SULT1A1: variants seen among roughly 807,000 people sequenced by gnomAD.
SULT1A1 encodes sulfotransferase 1A1.
In SULT1A1, 35 loss-of-function variants were observed where a neutral mutation model predicts 36.8. The observed-to-expected ratio is 0.95, with a 90% CI of 0.73 to 1.26. SULT1A1 has a LOEUF of 1.26. Ranked by LOEUF, SULT1A1 falls within the 50% of genes most tolerant of loss-of-function variation. SULT1A1 has a pLI of 0.00. For synonymous variants in SULT1A1, 119 were observed against 146.0 expected (o/e 0.82, Z 1.33); for missense variants, 309 against 383.0 (o/e 0.81, Z 1.61).
At position 28,608,611 on chromosome 16, in the gene SULT1A1, G is replaced by A. The variant is rs745339337; in HGVS notation, c.149-8C>T. ...GGCTTACCCAGGTAGTGCCTGGAGAGGGAGGGAGATGGGAGGTGAGCAGGC... is the reference window on the plus strand; with the variant it reads ...GGCTTACCCAGGTAGTGCCTGGAGAAGGAGGGAGATGGGAGGTGAGCAGGC... On this transcript the variant is annotated splice_polypyrimidine_tract_variant and splice_region_variant and intron_variant, in intron 2 of 7. Coordinates refer to ENST00000314752, the MANE Select transcript of SULT1A1 (RefSeq NM_001055.4). The A allele has an allele frequency of 3.6e-5, 58 of 1,611,734 alleles. 2 individuals carry two copies. The South Asian group carries it at 5.4e-4, about 15-fold the overall frequency.
At chr16:28,608,960 C>G in intron 1 of SULT1A1, 101 bp from the exon 2 acceptor site, 1 of 1,604,614 alleles carries the variant, frequency 6.2e-7, no homozygotes, top group Non-Finnish European at 8.5e-7. Flanking sequence ...CCTAGGGAGG[C>G]TGAGTGACTT....
Position 28,605,446 on chromosome 16 carries a change from A to C in SULT1A1, c.*375T>G, listed in dbSNP as rs985812789. On this transcript the variant is annotated 3_prime_UTR_variant, in exon 8 of 8. Transcript: ENST00000314752. ...CCATCACGTACAGATAATTTTCTCA[A>C]ATTTTTGTAGGGATGATGTCTTGTA... 2.9e-6 allele frequency: 1 copy of C among 347,014 alleles called. No individual in the cohort carries two copies. The highest frequency in any genetic ancestry group is 2.1e-5 in the African/African-American group (1 of 47,706). 21.5% of individuals were successfully genotyped at this position (347,014 alleles called of 1,614,324 possible).
At chr16:28,606,643 G>A in intron 6 of SULT1A1, 118 bp downstream of exon 6, 1 of 1,470,036 alleles carries the variant, frequency 6.8e-7, no homozygotes, top group Non-Finnish European at 9.2e-7. Context: ...AGGCAGGATG[G>A]GGAATCTGGT....
intron 1 of SULT1A1, 147 bp from the exon 2 acceptor site, chr16:28,609,006 G>C (rs2047342622): frequency 1.3e-6 from 2 of 1,548,206 alleles, no homozygotes; most frequent in Non-Finnish European, 1.8e-6. Context: ...GGCGGGGCTG[G>C]GGCTGAAAAC....
intron 1 of SULT1A1, among the ~76,000 whole-genome samples, chr16:28,622,699 C>G (rs998441708): frequency 2.0e-5 from 3 of 152,066 alleles, no homozygotes; most frequent in Admixed American, 2.0e-4. Flanking sequence ...CTTCCCTGTC[C>G]CACGATTGGT....
At chr16:28,616,616 T>G (rs1349783426) in intron 2 of SULT1A1, among the ~76,000 whole-genome samples, 1 of 151,840 alleles carries the variant, frequency 6.6e-6, no homozygotes, top group African/African-American at 2.4e-5. Context: ...ACAGACAGGG[T>G]CTTGCTATGT....
intron 1 of SULT1A1, among the ~76,000 whole-genome samples, chr16:28,620,974 G>A (rs998805950): frequency 1.3e-5 from 2 of 152,038 alleles, no homozygotes; most frequent in African/African-American, 4.8e-5. Context: ...GCTGGGTGTG[G>A]TGGCGCATGC....
At position 28,606,912 on chromosome 16, in the gene SULT1A1, C is replaced by T. The variant is rs376366647; in HGVS notation, c.499+39G>A. On this transcript the variant is annotated intron_variant, in intron 5 of 7. Transcript: ENST00000314752. ...GGTTGCTGTGCGTTGTAGCCACCAC[C>T]CCTTAGCTCCACACTTTCCTTCCTC... The T allele has an allele frequency of 6.8e-6, 11 of 1,612,292 alleles. No individual in the cohort carries two copies. In the African/African-American group the frequency reaches 1.3e-4, roughly 20 times the overall value.
chr16:28,609,779 G>T, intron 1 of SULT1A1, 152 bp downstream of exon 1: 1 of 902,460 alleles, frequency 1.1e-6, no homozygotes, highest in Non-Finnish European at 1.5e-6. Context: ...ACAAACAAGG[G>T]AAGGGAGGGG....
intron 2 of SULT1A1, among the ~76,000 whole-genome samples, chr16:28,617,422 TTATC>T (rs2047566838): frequency 1.3e-5 from 2 of 152,260 alleles, no homozygotes; most frequent in Non-Finnish European, 1.5e-5. Flanking sequence ...ACTTGTCTAT[TTATC>T]TATCTATCCC....
chr16:28,609,906 T>A, intron 1 of SULT1A1, 25 bp downstream of exon 1: 1 of 1,278,878 alleles, frequency 7.8e-7, no homozygotes, highest in Non-Finnish European at 1.0e-6. Context: ...GAGGGCGCCC[T>A]GGGCCGTTCC....
At chr16:28,611,258 A>G (rs1383730659), upstream of SULT1A1, 2 of 152,164 alleles carry the variant, frequency 1.3e-5, no homozygotes, top group Non-Finnish European at 2.9e-5. Flanking sequence ...CCCAGGCAGC[A>G]GTTTCACATG....
upstream of SULT1A1, chr16:28,610,275 T>C (rs1394106181): frequency 9.0e-7 from 1 of 1,112,790 alleles, no homozygotes; most frequent in Non-Finnish European, 1.1e-6. Flanking sequence ...TTTTTTTTTT[T>C]TTTTTTTTTT....
intron 1 of SULT1A1, chr16:28,623,117 C>CCG (rs1567320877): frequency 6.5e-7 from 1 of 1,544,298 alleles, no homozygotes; most frequent in African/African-American, 1.4e-5. Context: ...CAGGTTCCCC[C>CCG]CCCGGCCCCT....
At chr16:28,607,231 C>G in intron 4 of SULT1A1, 154 bp from the exon 5 acceptor site, 2 of 1,373,088 alleles carry the variant, frequency 1.5e-6, no homozygotes, top group Non-Finnish European at 2.0e-6. Context: ...GGAGCTGAAC[C>G]CTGCTCAGAA....
Position 28,621,451 on chromosome 16 carries a change from C to G in SULT1A1, c.68-1318G>C, listed in dbSNP as rs1271940762. Among the ~76,000 whole-genome samples, 11 of 118,994 alleles carry G rather than the reference C, an allele frequency of 9.2e-5. No individual in the cohort carries two copies. In the East Asian group the frequency reaches 2.9e-3, roughly 31 times the overall value. 78.1% of individuals were successfully genotyped at this position (118,994 alleles called of 152,430 possible). A position where few individuals can be genotyped will look rare whatever the true frequency, so the allele number is the denominator to read the frequency against. On this transcript the variant is annotated intron_variant, in intron 1 of 5. Transcript: ENST00000350842. ...AGCTGAGATCAGGCCACTGCACACT[C>G]CAGGCTGGGCAATAAAACAAGACTC...
At chr16:28,620,474 G>A (rs2047628970) in intron 1 of SULT1A1, among the ~76,000 whole-genome samples, 2 of 151,108 alleles carry the variant, frequency 1.3e-5, no homozygotes, top group Admixed American at 1.3e-4. Flanking sequence ...TGAGGTGGGA[G>A]GATTGCTTGA....
At chr16:28,610,400 G>A (rs149454564), upstream of SULT1A1, 1 of 443,120 alleles carries the variant, frequency 2.3e-6, no homozygotes, top group South Asian at 2.1e-5. Flanking sequence ...GATTGGAGGA[G>A]AAAGCTGGGA....
chr16:28,606,353 A>C (rs1230652043), intron 6 of SULT1A1, 117 bp from the exon 7 acceptor site: 3 of 1,547,772 alleles, frequency 1.9e-6, no homozygotes, highest in Non-Finnish European at 2.6e-6. Flanking sequence ...AACCCTGCAG[A>C]GCCAACTCCT....
Sources: allele counts gnomAD v4.1 joint callset (sites outside exome capture counted in the v4.1 genomes callset), GRCh38; gene constraint gnomAD v4.1.1; transcripts MANE v1.5; gene names NCBI Gene and HGNC (gene_info 2026-07-23, HGNC 2026-07-21).